Variants in ANO6 observed in about 807,000 individuals in gnomAD.
ANO6 encodes anoctamin 6.
ANO6 carries 106 observed loss-of-function variants against 117.5 expected under a neutral mutation model. The observed-to-expected ratio is 0.90, with a 90% CI of 0.77 to 1.06. The LOEUF is 1.06. ANO6 is among the 50% of genes least tolerant of loss of function. The pLI is 0.00. For synonymous variants in ANO6, 367 were observed against 385.1 expected (o/e 0.95, Z 0.55); for missense variants, 955 against 1,121.1 (o/e 0.85, Z 2.12).
intron 12 of ANO6, among the ~76,000 whole-genome samples, chr12:45,395,644 C>T (rs552720124): frequency 1.5e-4 from 23 of 152,220 alleles, no homozygotes; most frequent in Non-Finnish European, 2.1e-4. Flanking sequence ...TTATCCAACA[C>T]GATCAAGTAG....
chr12:45,431,397 G>C lies in ANO6; in HGVS notation c.*2086G>C. 1.0e-6 allele frequency: 1 copy of C among 985,360 alleles called. No individual in the cohort carries two copies. The highest frequency in any genetic ancestry group is 1.7e-5 in the African/African-American group (1 of 57,324). 61.0% of individuals were successfully genotyped at this position (985,360 alleles called of 1,614,324 possible). ...AATTTGGCAGTTACTCGCCATGTAT[G>C]TCAGCATAGAAAAGGAAATGTTTTT... On this transcript the variant is annotated 3_prime_UTR_variant, in exon 20 of 20. Coordinates refer to ENST00000320560, the MANE Select transcript of ANO6 (RefSeq NM_001025356.3).
At chr12:45,323,964 T>G (rs1371222669) in intron 2 of ANO6, among the ~76,000 whole-genome samples, 3 of 133,238 alleles carry the variant, frequency 2.3e-5, no homozygotes, top group African/African-American at 7.9e-5. Context: ...TGAGACAGAA[T>G]TTTGCTCTTG....
chr12:45,392,097 C>A (rs1942469084), intron 12 of ANO6, among the ~76,000 whole-genome samples: 1 of 152,186 alleles, frequency 6.6e-6, no homozygotes, highest in Non-Finnish European at 1.5e-5. Context: ...CCTTTCCTAG[C>A]CAAGGGAAGC....
In ANO6 at chr12:45,429,977, A is replaced by C; in HGVS notation, c.*666A>C. The C allele has an allele frequency of 1.0e-6, 1 of 986,568 alleles. No homozygotes were observed. The highest frequency in any genetic ancestry group is 1.2e-6 in the Non-Finnish European group (1 of 830,784). 61.1% of individuals were successfully genotyped at this position (986,568 alleles called of 1,614,324 possible). On this transcript the variant is annotated 3_prime_UTR_variant, in exon 20 of 20. Transcript: ENST00000320560. ...TTTTGAAGCATATTTGTCCTAATCCACAGTGACACTTTTTATCTTCCAGGA... is the reference window on the plus strand; with the variant it reads ...TTTTGAAGCATATTTGTCCTAATCCCCAGTGACACTTTTTATCTTCCAGGA...
rs146239957 is a variant in ANO6, at chr12:45,315,785, T to G, written c.150+13692T>G. On this transcript the variant is annotated intron_variant, in intron 2 of 19. Coordinates refer to ENST00000320560, the MANE Select transcript of ANO6 (RefSeq NM_001025356.3). Reference sequence around the variant, plus strand: ...ATGTTGATAAATGTAATCATCATCCTCTCAGCCGCTCAAGCCAGAAACCTC... The same window carrying G: ...ATGTTGATAAATGTAATCATCATCCGCTCAGCCGCTCAAGCCAGAAACCTC... Among the ~76,000 whole-genome samples, 189 of 152,232 alleles carry G rather than the reference T, an allele frequency of 1.2e-3. 1 individual carries two copies. Among genetic ancestry groups the G allele is most frequent in the African/African-American group, 4.4e-3 (183 of 41,560 alleles).
chr12:45,300,513 A>G (rs1445499002), intron 1 of ANO6, among the ~76,000 whole-genome samples: 2 of 152,092 alleles, frequency 1.3e-5, no homozygotes, highest in Non-Finnish European at 2.9e-5. Flanking sequence ...CTTATTCCAT[A>G]CTCAAACTCT....
intron 3 of ANO6, among the ~76,000 whole-genome samples, chr12:45,339,226 G>A (rs1454900974): frequency 6.6e-6 from 1 of 152,072 alleles, no homozygotes; most frequent in Non-Finnish European, 1.5e-5. Context: ...AGTCACCTGG[G>A]TTGCTTGTTA....
chr12:45,286,722 C>T (rs927225039), intron 1 of ANO6, among the ~76,000 whole-genome samples: 3 of 152,210 alleles, frequency 2.0e-5, no homozygotes, highest in Non-Finnish European at 4.4e-5. Flanking sequence ...ATTTGCAATA[C>T]AAGTAGCTAA....
chr12:45,244,677 G>A (rs890366935), intron 1 of ANO6, among the ~76,000 whole-genome samples: 6 of 152,210 alleles, frequency 3.9e-5, no homozygotes, highest in South Asian at 2.1e-4. Flanking sequence ...ACACTGCTGC[G>A]TTTTGAAACT....
intron 19 of ANO6, among the ~76,000 whole-genome samples, chr12:45,437,980 G>A (rs370740222): frequency 1.3e-5 from 2 of 152,258 alleles, no homozygotes; most frequent in Admixed American, 6.5e-5. Context: ...CTTCAAGCAC[G>A]AGGGTAGCAA....
chr12:45,367,779 T>A lies in ANO6; in HGVS notation c.1090T>A (p.Cys364Ser). The A allele has an allele frequency of 6.2e-7, 1 of 1,613,432 alleles. No homozygotes were observed. The highest frequency in any genetic ancestry group is 1.1e-5 in the South Asian group (1 of 91,060). Residue 364 changes from cysteine (C) to serine (S), a missense_variant, in exon 9 of 20, where the codon TGC becomes AGC. Physicochemically the swap from Cys to Ser is moderately radical, Grantham distance 112. Coordinates refer to ENST00000320560, the MANE Select transcript of ANO6 (RefSeq NM_001025356.3). ...TCCATTCTGGAAACTCAATATTACT[T>A]GCGAGTCCTCAAAGGTAATTTTTGC... Reference protein sequence around the residue: ...LCPFWKLNITCESSKKLCIFD... With the variant: ...LCPFWKLNITSESSKKLCIFD...
At chr12:45,370,124 C>G (rs1317093243) in intron 9 of ANO6, among the ~76,000 whole-genome samples, 2 of 152,242 alleles carry the variant, frequency 1.3e-5, no homozygotes, top group East Asian at 1.9e-4. Flanking sequence ...GTCTTGCCCT[C>G]TCTGTGCCAT....
Position 45,401,774 on chromosome 12 carries a change from CTG to C in ANO6, c.1387-17_1387-16del, listed in dbSNP as rs1942794166. 1 of 1,592,210 alleles carries C rather than the reference CTG, an allele frequency of 6.3e-7. No individual in the cohort carries two copies. Among genetic ancestry groups the C allele is most frequent in the South Asian group, 1.1e-5 (1 of 90,610 alleles). On this transcript the variant is annotated intron_variant, in intron 12 of 19. Transcript: ENST00000320560. ...GCAGTTATTGGTGAGTCTCATGCTACTGTGTTTGTTGTGCTTTCAGATCCTAT... is the reference window on the plus strand; with the variant it reads ...GCAGTTATTGGTGAGTCTCATGCTACTGTTTGTTGTGCTTTCAGATCCTAT...
chr12:45,342,696 T>C (rs1941014548), intron 3 of ANO6, among the ~76,000 whole-genome samples: 1 of 152,212 alleles, frequency 6.6e-6, no homozygotes, highest in Non-Finnish European at 1.5e-5. Context: ...GTTTATTCAT[T>C]CATCAGACAT....
At chr12:45,375,661 G>A (rs1469346849) in intron 9 of ANO6, among the ~76,000 whole-genome samples, 2 of 151,896 alleles carry the variant, frequency 1.3e-5, no homozygotes, top group Non-Finnish European at 2.9e-5. Flanking sequence ...TATGTAGAAA[G>A]CTGAAACTGG....
At chr12:45,300,992 A>G (rs1565674195) in intron 1 of ANO6, among the ~76,000 whole-genome samples, 1 of 152,180 alleles carries the variant, frequency 6.6e-6, no homozygotes, top group Non-Finnish European at 1.5e-5. Context: ...TGGTTTCTCT[A>G]TCCCTCTAAC....
In ANO6 at chr12:45,320,289, A is replaced by T. The variant is rs560992908; in HGVS notation, c.151-11006A>T. The stretch of plus-strand genomic sequence containing the variant: ...TAATTTCCCTCTATGCACTGCTTTA[A>T]ATGTGTCCCAGAGATTCTGGTATGT... On this transcript the variant is annotated intron_variant, in intron 2 of 19. Transcript: ENST00000320560. Among the ~76,000 whole-genome samples, 8 of 151,670 alleles carry T rather than the reference A, an allele frequency of 5.3e-5. No homozygotes were observed. The South Asian group carries it at 1.5e-3, about 28-fold the overall frequency.
intron 1 of ANO6, among the ~76,000 whole-genome samples, chr12:45,248,416 A>G (rs962724345): frequency 1.1e-4 from 16 of 151,218 alleles, no homozygotes; most frequent in Non-Finnish European, 1.6e-4. Flanking sequence ...AATATATTTT[A>G]TAAAAAGTAG....
intron 3 of ANO6, among the ~76,000 whole-genome samples, chr12:45,337,738 C>CT (rs1940867184): frequency 6.6e-6 from 1 of 151,898 alleles, no homozygotes; most frequent in Non-Finnish European, 1.5e-5. Context: ...ACAGCTGACT[C>CT]TATTTGATAA....
Sources: gnomAD v4.1 joint callset for allele counts (sites outside exome capture counted in the v4.1 genomes callset) on GRCh38, gnomAD v4.1.1 for gene constraint, MANE v1.5 for transcripts, NCBI Gene and HGNC (gene_info 2026-07-23, HGNC 2026-07-21) for gene names.